Variants in PHLDB3 observed in about 807,000 individuals in gnomAD.
The protein encoded by PHLDB3 is pleckstrin homology-like domain family B member 3.
PHLDB3 carries 86 observed loss-of-function variants against 85.7 expected under a neutral mutation model. That is an observed-to-expected ratio of 1.00 (90% CI 0.84 to 1.20). The LOEUF is 1.20. Among genes scored for constraint, PHLDB3 ranks in the 50% most tolerant of loss-of-function variants. PHLDB3 has a pLI of 0.00. For missense variants in PHLDB3, 995 were observed against 873.0 expected (o/e 1.14, Z -1.76); for synonymous variants, 376 against 349.8 (o/e 1.07, Z -0.83).
At chr19:43,501,998 G>A (rs1313594561) in intron 3 of PHLDB3, 103 bp downstream of exon 3, 1 of 1,489,790 alleles carries the variant, frequency 6.7e-7, no homozygotes, top group Non-Finnish European at 9.0e-7. Context: ...AGGAAGAGCG[G>A]AGGGCCTAAA....
At chr19:43,475,666 G>T in intron 15 of PHLDB3, 122 bp from the exon 16 acceptor site, 1 of 1,264,540 alleles carries the variant, frequency 7.9e-7, no homozygotes, top group Non-Finnish European at 1.1e-6. Flanking sequence ...GTATCTGAAT[G>T]TCAGTTTCCC....
intron 15 of PHLDB3, 45 bp downstream of exon 15, chr19:43,478,002 C>A: frequency 6.6e-7 from 1 of 1,512,920 alleles, no homozygotes; most frequent in Non-Finnish European, 9.2e-7. Context: ...CTGACTCCAA[C>A]TGAGTCTCCA....
In PHLDB3 at chr19:43,486,667, T is replaced by C. The variant is rs770456003; in HGVS notation, c.1370A>G (p.His457Arg). The C allele has an allele frequency of 6.2e-7, 1 of 1,613,964 alleles. No individual in the cohort carries two copies. ...GGCCTGCTGCAGGAGCCGCTCCATGTGGGCAATGTCTGGATGGATGGCCCC... is the reference window on the plus strand; with the variant it reads ...GGCCTGCTGCAGGAGCCGCTCCATGCGGGCAATGTCTGGATGGATGGCCCC... ...SCGAIHPDIAHMERLLQQAMA... is the reference protein window; with the variant it reads ...SCGAIHPDIARMERLLQQAMA... Residue 457 changes from histidine (H) to arginine (R), a missense_variant, in exon 12 of 16, where the codon CAC becomes CGC. His to Arg is a conservative substitution (Grantham distance 29). Transcript: ENST00000292140.
rs1167897767 is a variant in PHLDB3, at chr19:43,487,591, A to AAAAAAAAAAAAAAAAAAAAAC, written c.1150-469_1150-468insGTTTTTTTTTTTTTTTTTTTT. 1.4e-4 allele frequency among the ~76,000 whole-genome samples: 16 copies of AAAAAAAAAAAAAAAAAAAAAC among 115,796 alleles called. 2 individuals carry two copies. Among genetic ancestry groups the AAAAAAAAAAAAAAAAAAAAAC allele is most frequent in the Non-Finnish European group, 1.9e-4 (10 of 51,430 alleles). 76.0% of individuals were successfully genotyped at this position (115,796 alleles called of 152,430 possible). On this transcript the variant is annotated intron_variant, in intron 9 of 15. Coordinates refer to ENST00000292140, the MANE Select transcript of PHLDB3 (RefSeq NM_198850.4). ...CTCTGTCTCAAAAAAAAAAAAAAAAAACACAGAAAAGAAAAAAAGAAATGT... is the reference window on the plus strand; with the variant it reads ...CTCTGTCTCAAAAAAAAAAAAAAAAAAAAAAAAAAAAAAAAAAAAACACACAGAAAAGAAAAAAAGAAATGT...
Position 43,502,189 on chromosome 19 carries a change from C to T in PHLDB3, c.308G>A (p.Gly103Glu). 1 of 1,575,860 alleles carries T rather than the reference C, an allele frequency of 6.3e-7. No homozygotes were observed. The highest frequency in any genetic ancestry group is 8.6e-7 in the Non-Finnish European group (1 of 1,161,256). The change falls in exon 3 of 16, where the codon GGA becomes GAA. Residue 103 changes from glycine (G) to glutamate (E), a missense_variant. Gly to Glu is a moderately conservative substitution (Grantham distance 98). Transcript: ENST00000292140. ...GVRGAARRLQ[G>E]QQLEALTRVA... ...ACGAGTCAATGCCTCCAGCTGCTGT[C>T]CTTGCAGGCGCCGCGCCGCCCCTCG... is the stretch of plus-strand genomic sequence containing the variant.
intron 9 of PHLDB3, among the ~76,000 whole-genome samples, chr19:43,492,481 C>T (rs1388314352): frequency 2.0e-5 from 3 of 152,104 alleles, no homozygotes; most frequent in Non-Finnish European, 2.9e-5. Flanking sequence ...TCCCAAAATG[C>T]TGGGGTTACA....
chr19:43,497,338 T>TGGGCTG (rs889698701), intron 5 of PHLDB3, 59 bp from the exon 6 acceptor site: 1 of 1,291,268 alleles, frequency 7.7e-7, no homozygotes, highest in Non-Finnish European at 1.0e-6. Context: ...CAGGGAGTAG[T>TGGGCTG]GGGCTGGGGC....
At chr19:43,475,657 T>C in intron 15 of PHLDB3, 113 bp from the exon 16 acceptor site, 1 of 1,319,930 alleles carries the variant, frequency 7.6e-7, no homozygotes, top group Non-Finnish European at 1.0e-6. Context: ...GGTACTTAAG[T>C]ATCTGAATGT....
rs1259281473 is a variant in PHLDB3, at chr19:43,501,814, G to T, written c.454C>A (p.Arg152Ser). The change falls in exon 4 of 16, where the codon CGC becomes AGC. Residue 152 changes from arginine to serine, a missense_variant. Coordinates refer to ENST00000292140, the MANE Select transcript of PHLDB3 (RefSeq NM_198850.4). Reference protein sequence around the residue: ...GELAGERVAARREEEQLRELL... With the variant: ...GELAGERVAASREEEQLRELL... ...TCCCGCAGCTGCTCCTCCTCCCGGC[G>T]AGCGGCCACTCGCTCCCCAGCCAGC... The T allele has an allele frequency of 1.3e-5, 21 of 1,588,374 alleles. No individual in the cohort carries two copies. Among genetic ancestry groups the T allele is most frequent in the Non-Finnish European group, 1.7e-5 (20 of 1,168,684 alleles).
intron 9 of PHLDB3, among the ~76,000 whole-genome samples, chr19:43,491,558 G>A (rs1166625614): frequency 6.6e-6 from 1 of 151,732 alleles, no homozygotes; most frequent in Non-Finnish European, 1.5e-5. Flanking sequence ...CTGTCATGCA[G>A]TGGTGCGACC....
Position 43,495,452 on chromosome 19 carries a change from G to A in PHLDB3, c.951+43C>T, listed in dbSNP as rs558879303. The A allele has an allele frequency of 1.2e-5, 19 of 1,603,854 alleles. No individual in the cohort carries two copies. In the South Asian group the frequency reaches 2.1e-4, roughly 18 times the overall value. ...AGGGAGGTGGTGGGATGCCCCAGGG[G>A]GAAGTGAGGACGGTAGGGTAGGGCA... On this transcript the variant is annotated intron_variant, in intron 7 of 15. Transcript: ENST00000292140.
At position 43,503,280 on chromosome 19, in the gene PHLDB3, G is replaced by GTCTCTCTCTCTCTC. The variant is rs57901463; in HGVS notation, c.213+612_213+625dup. ...GTAGTCTCTCCTGTCTGTCTATCTG[G>GTCTCTCTCTCTCTC]TCTCTCTCTCTCTCTCTCTCTCTCT... On this transcript the variant is annotated intron_variant, in intron 2 of 15. Coordinates refer to ENST00000292140, the MANE Select transcript of PHLDB3 (RefSeq NM_198850.4). Among the ~76,000 whole-genome samples, 322 of 141,976 alleles carry GTCTCTCTCTCTCTC rather than the reference G, an allele frequency of 2.3e-3. 5 individuals carry two copies. Among genetic ancestry groups the GTCTCTCTCTCTCTC allele is most frequent in the East Asian group, 5.3e-3 (25 of 4,732 alleles). The allele number at this position is 141,976 out of a possible 152,430, so 93.1% of individuals were successfully genotyped here.
In PHLDB3 at chr19:43,497,257, G is replaced by A; in HGVS notation, c.686C>T (p.Ala229Val). Residue 229 changes from alanine to valine, a missense_variant, in exon 6 of 16, where the codon GCC becomes GTC. Ala to Val is a moderately conservative substitution (Grantham distance 64). Coordinates refer to ENST00000292140, the MANE Select transcript of PHLDB3 (RefSeq NM_198850.4). ...CTCCAGGTCCTCATAGGCACGTTGG[G>A]CCACATCCAGTTGTTCCCTCATCTA... ...VQEMREQLDV[A>V]QRAYEDLEFQ... The A allele has an allele frequency of 1.3e-6, 2 of 1,488,726 alleles. No individual in the cohort carries two copies. Among genetic ancestry groups the A allele is most frequent in the Non-Finnish European group, 1.8e-6 (2 of 1,121,544 alleles). 92.2% of individuals were successfully genotyped at this position (1,488,726 alleles called of 1,614,324 possible). A position where few individuals can be genotyped will look rare whatever the true frequency, so the allele number is the denominator to read the frequency against.
chr19:43,497,809 TG>T lies in PHLDB3; in HGVS notation c.601del (p.Gln201ArgfsTer22). 1 of 1,562,042 alleles carries T rather than the reference TG, an allele frequency of 6.4e-7. No homozygotes were observed. The highest frequency in any genetic ancestry group is 8.7e-7 in the Non-Finnish European group (1 of 1,153,158). ...EGLRQRLRKA[Q>X]GQLDSQPEDQ... ...CTCTGGCTGTGAGTCGAGCTGTCCC[TG>T]GGCCTTGCGGAGTCTCTGGCGAAGA... On this transcript the variant is annotated frameshift_variant, in exon 5 of 16. Coordinates refer to ENST00000292140, the MANE Select transcript of PHLDB3 (RefSeq NM_198850.4). LOFTEE classifies it high-confidence loss of function.
At position 43,486,688 on chromosome 19, in the gene PHLDB3, G is replaced by A; in HGVS notation, c.1349C>T (p.Ala450Val). The A allele has an allele frequency of 6.2e-7, 1 of 1,613,966 alleles. No homozygotes were observed. Among genetic ancestry groups the A allele is most frequent in the Non-Finnish European group, 8.5e-7 (1 of 1,179,856 alleles). ...LNCGRGNSCGAIHPDIAHMER... is the reference protein window; with the variant it reads ...LNCGRGNSCGVIHPDIAHMER... Reference sequence around the variant, plus strand: ...CATGTGGGCAATGTCTGGATGGATGGCCCCACAGCTAGGAGGAGGGAACAC... The same window carrying A: ...CATGTGGGCAATGTCTGGATGGATGACCCCACAGCTAGGAGGAGGGAACAC... The change falls in exon 12 of 16, where the codon GCC becomes GTC. Residue 450 changes from alanine to valine, a missense_variant. Coordinates refer to ENST00000292140, the MANE Select transcript of PHLDB3 (RefSeq NM_198850.4).
intron 15 of PHLDB3, 34 bp from the exon 16 acceptor site, chr19:43,475,578 A>G (rs1022909553): frequency 1.9e-6 from 3 of 1,612,900 alleles, no homozygotes; most frequent in Non-Finnish European, 2.5e-6. Flanking sequence ...TAATTCAGAC[A>G]AAAGACACCG....
intron 4 of PHLDB3, among the ~76,000 whole-genome samples, chr19:43,498,209 C>T (rs1971510028): frequency 6.6e-6 from 1 of 152,050 alleles, no homozygotes; most frequent in South Asian, 2.1e-4. Flanking sequence ...TGTGTTAGTG[C>T]ACGCCTGTAG....
chr19:43,486,850 G>A lies in PHLDB3; in HGVS notation c.1270C>T (p.Leu424Phe), dbSNP rs753664131. Reference protein sequence around the residue: ...HCTESLEASALPPAVGDSGRY... With the variant: ...HCTESLEASAFPPAVGDSGRY... ...CCGGAGTCCCCCACTGCTGGCGGGA[G>A]AGCTGAGGCCTCCAGGGATTCTAGG... Residue 424 changes from leucine to phenylalanine, a missense_variant, in exon 11 of 16, where the codon CTC becomes TTC. By Grantham distance (22) the Leu-to-Phe change is conservative (BLOSUM62 0). Transcript: ENST00000292140. 4 of 1,569,964 alleles carry A rather than the reference G, an allele frequency of 2.5e-6. No individual in the cohort carries two copies. The highest frequency in any genetic ancestry group is 1.2e-5 in the South Asian group (1 of 83,264).
intron 13 of PHLDB3, among the ~76,000 whole-genome samples, chr19:43,481,790 T>A: frequency 7.0e-6 from 1 of 143,812 alleles, no homozygotes; most frequent in African/African-American, 2.6e-5. Context: ...GGAGACCATG[T>A]CTCAAAAAAA....
Sources: allele counts gnomAD v4.1 joint callset (sites outside exome capture counted in the v4.1 genomes callset), GRCh38; gene constraint gnomAD v4.1.1; transcripts MANE v1.5; gene names NCBI Gene and HGNC (gene_info 2026-07-23, HGNC 2026-07-21).